Variants in PPFIA2 observed in about 807,000 individuals in gnomAD.
The protein encoded by PPFIA2 is PPFI scaffold protein A2.
In PPFIA2, 46 loss-of-function variants were observed where a neutral mutation model predicts 175.5. That is an observed-to-expected ratio of 0.26 (90% CI 0.21 to 0.34). The LOEUF (loss-of-function observed/expected upper bound fraction) is 0.34. PPFIA2 is among the 10% of genes least tolerant of loss of function. The pLI is 1.00. For missense variants in PPFIA2, 1,179 were observed against 1,506.1 expected (o/e 0.78, Z 3.60); for synonymous variants, 568 against 511.4 (o/e 1.11, Z -1.49).
At chr12:81,335,185 C>G (rs1374458678) in intron 21 of PPFIA2, among the ~76,000 whole-genome samples, 1 of 151,856 alleles carries the variant, frequency 6.6e-6, no homozygotes, top group African/African-American at 2.4e-5. Context: ...ATGGCAAGAT[C>G]AAGTGATAGC....
At chr12:81,600,526 TTTTA>T (rs1335867733) in intron 4 of PPFIA2, among the ~76,000 whole-genome samples, 1 of 151,986 alleles carries the variant, frequency 6.6e-6, no homozygotes, top group Non-Finnish European at 1.5e-5. Context: ...AAAATTTATG[TTTTA>T]TTTTCCAGTA....
chr12:81,453,417 G>A (rs1442216365), intron 5 of PPFIA2, among the ~76,000 whole-genome samples: 1 of 151,934 alleles, frequency 6.6e-6, no homozygotes, highest in Non-Finnish European at 1.5e-5. Context: ...CATTAGTTCA[G>A]ATAACTTTGT....
chr12:81,723,803 T>G (rs1477083388), intron 3 of PPFIA2, among the ~76,000 whole-genome samples: 2 of 151,108 alleles, frequency 1.3e-5, no homozygotes, highest in East Asian at 3.9e-4. Context: ...AATGGGATAA[T>G]TCCCCTTTAA....
At chr12:81,297,863 G>A (rs1241635963) in intron 23 of PPFIA2, among the ~76,000 whole-genome samples, 1 of 152,198 alleles carries the variant, frequency 6.6e-6, no homozygotes, top group Non-Finnish European at 1.5e-5. Flanking sequence ...GGAACGAAAG[G>A]AGATGAAGTT....
At chr12:81,448,458 A>G (rs2051751227) in intron 5 of PPFIA2, among the ~76,000 whole-genome samples, 1 of 152,128 alleles carries the variant, frequency 6.6e-6, no homozygotes, top group African/African-American at 2.4e-5. Context: ...TATTCTCAAA[A>G]CACTATTTCA....
rs34030284 is a variant in PPFIA2 at position 81,497,530 on chromosome 12, C to CTTTTTTTTTTT, written c.304-39675_304-39665dup. On this transcript the variant is annotated intron_variant, in intron 4 of 32. Coordinates refer to ENST00000549396, the MANE Select transcript of PPFIA2 (RefSeq NM_003625.5). ...AGTGACATCCCTATTTCATTGATGTCTTTTTTTTTTTTTTTTTTTTTTTTT... is the reference window on the plus strand; with the variant it reads ...AGTGACATCCCTATTTCATTGATGTCTTTTTTTTTTTTTTTTTTTTTTTTTTTTTTTTTTTT... 3.6e-4 allele frequency among the ~76,000 whole-genome samples: 24 copies of CTTTTTTTTTTT among 66,202 alleles called. 1 individual carries two copies. The highest frequency in any genetic ancestry group is 1.3e-3 in the African/African-American group (24 of 18,242). The allele number at this position is 66,202 out of a possible 152,430, so 43.4% of individuals were successfully genotyped here.
chr12:81,521,352 A>G (rs1467267083), intron 4 of PPFIA2, among the ~76,000 whole-genome samples: 3 of 152,138 alleles, frequency 2.0e-5, no homozygotes, highest in African/African-American at 4.8e-5. Context: ...TTATCATCTA[A>G]TTGAGCTGGT....
At chr12:81,282,809 G>A (rs936549647) in intron 26 of PPFIA2, 16 of 405,298 alleles carry the variant, frequency 3.9e-5, no homozygotes, top group East Asian at 1.9e-4. Flanking sequence ...GGTATGAAAC[G>A]TCAATCATCT....
At chr12:81,422,275 C>T (rs2143858075) in intron 7 of PPFIA2, among the ~76,000 whole-genome samples, 1 of 151,532 alleles carries the variant, frequency 6.6e-6, no homozygotes, top group Non-Finnish European at 1.5e-5. Flanking sequence ...AGAATTGTGT[C>T]TATATTATTG....
chr12:81,653,018 A>G lies in PPFIA2; in HGVS notation c.303+23773T>C, dbSNP rs908481872. 3.3e-5 allele frequency among the ~76,000 whole-genome samples: 5 copies of G among 152,002 alleles called. No individual in the cohort carries two copies. In the East Asian group the frequency reaches 5.8e-4, roughly 18 times the overall value. ...AAGTCCCCAATTCTAACTTCATAAT[A>G]TATCTCAACCCAATTCACTTCCCTA... On this transcript the variant is annotated intron_variant, in intron 4 of 32. Coordinates refer to ENST00000549396, the MANE Select transcript of PPFIA2 (RefSeq NM_003625.5).
At chr12:81,689,990 C>CCTTG (rs1389606768) in intron 3 of PPFIA2, among the ~76,000 whole-genome samples, 1 of 152,100 alleles carries the variant, frequency 6.6e-6, no homozygotes, top group Non-Finnish European at 1.5e-5. Flanking sequence ...ACTGTCTTTA[C>CCTTG]CTTGCATGGC....
At chr12:81,378,851 G>A (rs1033148486) in intron 9 of PPFIA2, among the ~76,000 whole-genome samples, 2 of 152,128 alleles carry the variant, frequency 1.3e-5, no homozygotes, top group Non-Finnish European at 2.9e-5. Flanking sequence ...ATCAGTATTG[G>A]TCACCTTTTC....
intron 4 of PPFIA2, among the ~76,000 whole-genome samples, chr12:81,468,833 A>G (rs1483778245): frequency 1.3e-5 from 2 of 151,802 alleles, no homozygotes; most frequent in African/African-American, 4.8e-5. Context: ...ACTGTAGCTC[A>G]GAAAATAGCA....
intron 5 of PPFIA2, among the ~76,000 whole-genome samples, chr12:81,448,580 T>C (rs1460093749): frequency 2.0e-5 from 3 of 152,246 alleles, no homozygotes; most frequent in Admixed American, 6.5e-5. Context: ...CTAAATTTTC[T>C]GAACTTATCT....
At chr12:81,751,928 G>A (rs2083878369) in intron 3 of PPFIA2, among the ~76,000 whole-genome samples, 1 of 151,748 alleles carries the variant, frequency 6.6e-6, no homozygotes, top group African/African-American at 2.4e-5. Context: ...TTTTTTTACA[G>A]AAGAGGAAAC....
intron 24 of PPFIA2, 89 bp downstream of exon 24, chr12:81,294,746 A>G: frequency 1.7e-6 from 2 of 1,193,506 alleles, no homozygotes; most frequent in Middle Eastern, 2.0e-4. Context: ...TGACATTGAA[A>G]TGTGTGCTGT....
chr12:81,588,169 G>C (rs1567467774), intron 4 of PPFIA2, among the ~76,000 whole-genome samples: 1 of 150,024 alleles, frequency 6.7e-6, no homozygotes, highest in Non-Finnish European at 1.5e-5. Context: ...AGGGATAATA[G>C]TCCAGGATGG....
chr12:81,499,432 T>C (rs561818217), intron 4 of PPFIA2, among the ~76,000 whole-genome samples: 73 of 151,648 alleles, frequency 4.8e-4, no homozygotes, highest in African/African-American at 1.7e-3. Flanking sequence ...CTTCAGGAAG[T>C]ACGCACTCTT....
Position 81,339,336 on chromosome 12 carries a change from T to G in PPFIA2, c.2394-2A>C. ...GGCTCAAGAGAGACAGATAAACTAC[T>G]GCAAAACACAAAAGAGGAAAATACA... On this transcript the variant is annotated splice_acceptor_variant, in intron 20 of 32. Transcript: ENST00000549396. LOFTEE classifies it high-confidence loss of function. The G allele has an allele frequency of 6.4e-7, 1 of 1,565,474 alleles. No homozygotes were observed. The highest frequency in any genetic ancestry group is 8.6e-7 in the Non-Finnish European group (1 of 1,159,440).
Sources: gnomAD v4.1 joint callset for allele counts (sites outside exome capture counted in the v4.1 genomes callset) on GRCh38, gnomAD v4.1.1 for gene constraint, MANE v1.5 for transcripts, NCBI Gene and HGNC (gene_info 2026-07-23, HGNC 2026-07-21) for gene names.